Variants in PABPC4L observed in about 807,000 individuals in gnomAD.
PABPC4L encodes the protein poly(A) binding protein cytoplasmic 4 like.
For synonymous variants in PABPC4L, 169 were observed against 164.1 expected, an observed-to-expected ratio of 1.03 and a Z score of -0.23; for missense variants, 452 against 451.4, an observed-to-expected ratio of 1.00 and a Z score of -0.01.
At chr4:134,016,091 A>T in the PABPC4L span, among the ~76,000 whole-genome samples, 1 of 152,070 alleles carries the variant, frequency 6.6e-6, no homozygotes, top group Admixed American at 6.6e-5. Flanking sequence ...CTCACCCTGA[A>T]CACACTTGGT....
the PABPC4L span, among the ~76,000 whole-genome samples, chr4:133,977,529 C>T: frequency 7.2e-5 from 11 of 151,960 alleles, no homozygotes; most frequent in Non-Finnish European, 1.5e-4. Context: ...TTTGATATTT[C>T]TTCCATCCAT....
chr4:134,043,983 G>C, the PABPC4L span, among the ~76,000 whole-genome samples: 1 of 151,916 alleles, frequency 6.6e-6, no homozygotes, highest in Non-Finnish European at 1.5e-5. Context: ...CACCTAGAAT[G>C]TGTCTCAAAC....
At chr4:134,087,089 C>A in the PABPC4L span, among the ~76,000 whole-genome samples, 1 of 151,858 alleles carries the variant, frequency 6.6e-6, no homozygotes, top group Admixed American at 6.6e-5. Context: ...TACTGATACC[C>A]AAAGGACTAT....
chr4:133,994,799 G>A, the PABPC4L span, among the ~76,000 whole-genome samples: 2 of 152,060 alleles, frequency 1.3e-5, no homozygotes, highest in Non-Finnish European at 1.5e-5. Flanking sequence ...CCAGGTAGAA[G>A]AATATGCAGA....
chr4:133,950,842 G>C, the PABPC4L span, among the ~76,000 whole-genome samples: 3 of 152,184 alleles, frequency 2.0e-5, no homozygotes, highest in African/African-American at 7.2e-5. Context: ...GGAAGCAAGA[G>C]GCTACTGAAA....
the PABPC4L span, among the ~76,000 whole-genome samples, chr4:134,182,662 C>G: frequency 6.6e-6 from 1 of 151,434 alleles, no homozygotes; most frequent in Non-Finnish European, 1.5e-5. Context: ...GAATAACAGA[C>G]AAGACAACCC....
the PABPC4L span, among the ~76,000 whole-genome samples, chr4:134,088,616 A>G: frequency 6.6e-6 from 1 of 152,066 alleles, no homozygotes; most frequent in South Asian, 2.1e-4. Flanking sequence ...ATAAAAGGGC[A>G]TGAGGGAGTG....
the PABPC4L span, among the ~76,000 whole-genome samples, chr4:134,170,722 C>A: frequency 6.6e-6 from 1 of 152,062 alleles, no homozygotes; most frequent in Non-Finnish European, 1.5e-5. Flanking sequence ...AATCCATTAC[C>A]ATGATCCAAG....
At chr4:134,091,297 G>T in the PABPC4L span, among the ~76,000 whole-genome samples, 1 of 151,416 alleles carries the variant, frequency 6.6e-6, no homozygotes. Context: ...ATTCTAATGG[G>T]CAGTTTTTTT....
At chr4:134,058,989 A>C in the PABPC4L span, among the ~76,000 whole-genome samples, 2 of 152,076 alleles carry the variant, frequency 1.3e-5, no homozygotes, top group Non-Finnish European at 1.5e-5. Flanking sequence ...ATTGAACTGC[A>C]ATATGACACT....
At chr4:134,096,687 C>G in the PABPC4L span, among the ~76,000 whole-genome samples, 1 of 151,888 alleles carries the variant, frequency 6.6e-6, no homozygotes, top group Non-Finnish European at 1.5e-5. Context: ...TTTTGGTAAA[C>G]ATTTCAAACA....
the PABPC4L span, among the ~76,000 whole-genome samples, chr4:134,131,464 A>T: frequency 6.6e-6 from 1 of 151,936 alleles, no homozygotes; most frequent in African/African-American, 2.4e-5. Context: ...AAAAATTAAA[A>T]TAAAATACTT....
the PABPC4L span, among the ~76,000 whole-genome samples, chr4:134,188,477 C>A: frequency 1.1e-4 from 17 of 152,090 alleles, no homozygotes; most frequent in Non-Finnish European, 2.2e-4. Context: ...ACATCTCTTG[C>A]AAGGAAGGTG....
chr4:133,994,186 A>C, the PABPC4L span, among the ~76,000 whole-genome samples: 1 of 152,262 alleles, frequency 6.6e-6, no homozygotes, highest in East Asian at 1.9e-4. Context: ...GGAATGACGA[A>C]AATGGGTGAA....
chr4:134,185,119 T>C, the PABPC4L span, among the ~76,000 whole-genome samples: 1 of 152,008 alleles, frequency 6.6e-6, no homozygotes, highest in Non-Finnish European at 1.5e-5. Context: ...CTCATTCTCT[T>C]GACAATATAT....
the PABPC4L span, among the ~76,000 whole-genome samples, chr4:133,979,539 A>C: frequency 2.0e-5 from 3 of 152,096 alleles, no homozygotes; most frequent in African/African-American, 4.8e-5. Flanking sequence ...TCACTATAGG[A>C]CTGTGCATCG....
At chr4:134,185,236 A>C in the PABPC4L span, among the ~76,000 whole-genome samples, 14 of 152,074 alleles carry the variant, frequency 9.2e-5, no homozygotes, top group Admixed American at 5.9e-4. Context: ...ACAACAAAAA[A>C]AAGAGAATTT....
the PABPC4L span, among the ~76,000 whole-genome samples, chr4:134,190,214 A>G: frequency 6.6e-6 from 1 of 152,094 alleles, no homozygotes; most frequent in Admixed American, 6.6e-5. Flanking sequence ...TTATCTGTCT[A>G]TCTGCCTCTC....
At chr4:134,104,301 T>A in the PABPC4L span, among the ~76,000 whole-genome samples, 1 of 151,650 alleles carries the variant, frequency 6.6e-6, no homozygotes, top group Non-Finnish European at 1.5e-5. Flanking sequence ...GTTCCTTTCC[T>A]TTCCACCTGA....
Sources: allele counts gnomAD v4.1 joint callset (sites outside exome capture counted in the v4.1 genomes callset), GRCh38; gene constraint gnomAD v4.1.1; transcripts MANE v1.5; gene names NCBI Gene and HGNC (gene_info 2026-07-23, HGNC 2026-07-21).